SOX6: variants seen among roughly 807,000 people sequenced by gnomAD.
SOX6 encodes transcription factor SOX-6.
Under a neutral mutation model 97.8 loss-of-function variants are expected in SOX6, and 11 were observed. The observed-to-expected ratio is 0.11, with a 90% CI of 0.07 to 0.19. The LOEUF is 0.19. Among genes scored for constraint, SOX6 ranks in the 10% least tolerant of loss-of-function variants. SOX6 has a pLI of 1.00. For synonymous variants in SOX6, 360 were observed against 371.4 expected (o/e 0.97, Z 0.35); for missense variants, 810 against 1,039.5 (o/e 0.78, Z 3.04).
intron 4 of SOX6, among the ~76,000 whole-genome samples, chr11:16,569,134 A>AT (rs1847909900): frequency 6.6e-6 from 1 of 152,178 alleles, no homozygotes; most frequent in Non-Finnish European, 1.5e-5. Flanking sequence ...CAGGTCTTTG[A>AT]TTTTTTAGCA....
In SOX6 at chr11:16,464,282, T is replaced by C. The variant is rs1473096756; in HGVS notation, c.-5+12033A>G. On this transcript the variant is annotated intron_variant, in intron 1 of 15. Coordinates refer to the SOX6 transcript ENST00000396356. ...TCCAACAGTTCCTTAGTTTCTTTGA[T>C]TGCCCAAAGTGGACTAGAGTGCCTT... Among the ~76,000 whole-genome samples the C allele has an allele frequency of 1.3e-5, 2 of 152,178 alleles. 1 individual carries two copies. The highest frequency in any genetic ancestry group is 2.9e-5 in the Non-Finnish European group (2 of 68,006).
chr11:16,727,290 C>CTTTTTTTTTTTTTTTTTTTTTTTTT (rs557437543), intron 2 of SOX6, among the ~76,000 whole-genome samples: 1 of 92,978 alleles, frequency 1.1e-5, no homozygotes, highest in Non-Finnish European at 2.0e-5. Context: ...ATTCACCTTG[C>CTTTTTTTTTTTTTTTTTTTTTTTTT]TTTTTTTTTT....
intron 4 of SOX6, among the ~76,000 whole-genome samples, chr11:16,532,574 G>C (rs562050005): frequency 1.3e-5 from 2 of 152,010 alleles, no homozygotes; most frequent in South Asian, 4.1e-4. Flanking sequence ...CTTAGAGCAT[G>C]TCCACTACAT....
intron 1 of SOX6, among the ~76,000 whole-genome samples, chr11:16,393,259 T>C (rs1009501765): frequency 2.6e-5 from 4 of 152,010 alleles, no homozygotes; most frequent in South Asian, 4.1e-4. Flanking sequence ...CTTTCGCCAA[T>C]GAGCCCAGGA....
chr11:16,019,082 T>C (rs1326913829), intron 12 of SOX6, among the ~76,000 whole-genome samples: 1 of 152,112 alleles, frequency 6.6e-6, no homozygotes, highest in Non-Finnish European at 1.5e-5. Context: ...GCGAAGTGAC[T>C]GATTGCAGCC....
chr11:16,567,107 C>T (rs1007405035), intron 4 of SOX6, among the ~76,000 whole-genome samples: 5 of 152,166 alleles, frequency 3.3e-5, no homozygotes, highest in Admixed American at 3.3e-4. Flanking sequence ...AAATTCCACA[C>T]CTGACCTCAT....
chr11:16,216,468 G>A (rs552794889), intron 4 of SOX6, among the ~76,000 whole-genome samples: 82 of 152,150 alleles, frequency 5.4e-4, no homozygotes, highest in African/African-American at 1.9e-3. Flanking sequence ...TTTTCTTAGT[G>A]TCAACCACAA....
At chr11:16,336,007 AG>A (rs1856449225) in intron 2 of SOX6, among the ~76,000 whole-genome samples, 1 of 152,186 alleles carries the variant, frequency 6.6e-6, no homozygotes, top group South Asian at 2.1e-4. Context: ...ACTCCCCTGG[AG>A]GAATTTAAGT....
chr11:16,310,814 C>T (rs1167773996), intron 3 of SOX6, among the ~76,000 whole-genome samples: 1 of 151,944 alleles, frequency 6.6e-6, no homozygotes, highest in African/African-American at 2.4e-5. Context: ...ATTATAAGTG[C>T]TTCACCAATA....
At position 15,967,029 on chromosome 11, in the gene SOX6, A is replaced by C. The variant is rs1853159256; in HGVS notation, c.*5780T>G. The C allele has an allele frequency of 6.6e-6, 1 of 152,164 alleles. No individual in the cohort carries two copies. Among genetic ancestry groups the C allele is most frequent in the Middle Eastern group, 3.2e-3 (1 of 316 alleles). The allele number at this position is 152,164 out of a possible 1,614,324, so 9.4% of individuals were successfully genotyped here. A position where few individuals can be genotyped will look rare whatever the true frequency, so the allele number is the denominator to read the frequency against. Reference sequence around the variant, plus strand: ...CCTTAAGGTCATTTAAAAACTTTACACTGGACTGTACAAGATTTTTTTTTG... The same window carrying C: ...CCTTAAGGTCATTTAAAAACTTTACCCTGGACTGTACAAGATTTTTTTTTG... On this transcript the variant is annotated 3_prime_UTR_variant, in exon 16 of 16. Transcript: ENST00000683767.
chr11:16,503,387 T>C (rs541497066), intron 4 of SOX6, among the ~76,000 whole-genome samples: 1 of 152,106 alleles, frequency 6.6e-6, no homozygotes, highest in Non-Finnish European at 1.5e-5. Flanking sequence ...GAACAAATTG[T>C]AGGCAAAGCA....
chr11:16,517,689 G>T (rs1860995034), intron 4 of SOX6, among the ~76,000 whole-genome samples: 1 of 152,014 alleles, frequency 6.6e-6, no homozygotes. Flanking sequence ...AGATACATGG[G>T]CATCAAAGAT....
At chr11:16,156,723 CACAT>C (rs1002172835) in intron 6 of SOX6, among the ~76,000 whole-genome samples, 1 of 152,112 alleles carries the variant, frequency 6.6e-6, no homozygotes, top group Non-Finnish European at 1.5e-5. Context: ...ACTCCCACTT[CACAT>C]ACTTTGTAAT....
intron 1 of SOX6, among the ~76,000 whole-genome samples, chr11:16,409,462 A>G (rs1431305909): frequency 6.6e-6 from 1 of 152,202 alleles, no homozygotes; most frequent in Non-Finnish European, 1.5e-5. Context: ...ACTAAGATAT[A>G]TATGACTCTG....
chr11:16,039,511 T>A (rs947789800), intron 12 of SOX6, among the ~76,000 whole-genome samples: 2 of 152,068 alleles, frequency 1.3e-5, no homozygotes, highest in African/African-American at 4.8e-5. Flanking sequence ...ATTTCCATAA[T>A]AACTCTAAGA....
intron 4 of SOX6, among the ~76,000 whole-genome samples, chr11:16,545,913 T>C (rs1340530986): frequency 6.6e-6 from 1 of 152,132 alleles, no homozygotes; most frequent in Non-Finnish European, 1.5e-5. Flanking sequence ...GATCATGCCA[T>C]CGCACTCCAG....
chr11:16,240,233 CA>C (rs1355625309), intron 3 of SOX6, among the ~76,000 whole-genome samples: 1 of 149,196 alleles, frequency 6.7e-6, no homozygotes, highest in Non-Finnish European at 1.5e-5. Context: ...ATATTCCTTC[CA>C]GGAAAAATGT....
At chr11:16,126,162 A>T (rs759712115) in intron 6 of SOX6, among the ~76,000 whole-genome samples, 4 of 152,092 alleles carry the variant, frequency 2.6e-5, no homozygotes, top group Admixed American at 1.3e-4. Flanking sequence ...CTTATATTAC[A>T]ACTTGAACTC....
At chr11:16,078,800 A>G (rs534494489) in intron 9 of SOX6, among the ~76,000 whole-genome samples, 1 of 152,274 alleles carries the variant, frequency 6.6e-6, no homozygotes, top group African/African-American at 2.4e-5. Context: ...GCTAAGTGAG[A>G]GAGTAAGCCA....
Sources: allele counts gnomAD v4.1 joint callset (sites outside exome capture counted in the v4.1 genomes callset), GRCh38; gene constraint gnomAD v4.1.1; transcripts MANE v1.5; gene names NCBI Gene and HGNC (gene_info 2026-07-23, HGNC 2026-07-21).